Variants in CARMIL2 observed in about 807,000 individuals in gnomAD.
CARMIL2 encodes capping protein regulator and myosin 1 linker 2.
A neutral mutation model predicts 173.3 loss-of-function variants in CARMIL2; 96 were observed. The ratio of observed to expected loss-of-function variants is 0.55; its 90% CI spans 0.47 to 0.66. CARMIL2 has a LOEUF of 0.66. CARMIL2 is among the 30% of genes least tolerant of loss of function. The pLI is 0.00. For missense variants in CARMIL2, 1,771 were observed against 1,906.7 expected (o/e 0.93, Z 1.33); for synonymous variants, 830 against 817.1 (o/e 1.02, Z -0.27).
intron 9 of CARMIL2, 34 bp from the exon 10 acceptor site, chr16:67,647,265 T>TGTA (rs1445341874): frequency 6.2e-7 from 1 of 1,610,454 alleles, no homozygotes; most frequent in Non-Finnish European, 8.5e-7. Context: ...AGGGCCAGGG[T>TGTA]GCAGCCCGTG....
Position 67,646,287 on chromosome 16 carries a change from G to A in CARMIL2, c.351G>A (p.Lys117=), listed in dbSNP as rs372500658. The change falls in exon 5 of 38, where the codon AAG becomes AAA. Residue 117 remains lysine (K), a synonymous_variant. Coordinates refer to ENST00000334583, the MANE Select transcript of CARMIL2 (RefSeq NM_001013838.3). This position sits in a 1 kb window ranked among gnomAD's most constrained non-coding sequence, Gnocchi z 4.6. ...AGCACGTGGCTGCAGCCATCAAGAA[G>A]GTCTTCCCTCGCTCGACCCTTGGGT... ...LAQHVAAAIK[K]VFPRSTLGKL... is the part of the protein sequence containing the mutation. 3.2e-4 allele frequency: 524 copies of A among 1,613,600 alleles called. No individual in the cohort carries two copies. The highest frequency in any genetic ancestry group is 3.9e-4 in the Non-Finnish European group (457 of 1,179,824).
chr16:67,650,565 CTCT>C (rs763719647), intron 22 of CARMIL2: 46 of 209,988 alleles, frequency 2.2e-4, no homozygotes, highest in Non-Finnish European at 3.8e-4. Flanking sequence ...TCCCAAATAC[CTCT>C]TCTTTCCTAA....
rs749402635 is a variant in CARMIL2 at position 67,652,329 on chromosome 16, A to C, written c.2807A>C (p.Glu936Ala). 6.3e-7 allele frequency: 1 copy of C among 1,581,230 alleles called. No homozygotes were observed. Among genetic ancestry groups the C allele is most frequent in the East Asian group, 2.2e-5 (1 of 44,878 alleles). ...GLFFPEEKEEEKEKDDSPPQK... is the reference protein window; with the variant it reads ...GLFFPEEKEEAKEKDDSPPQK... Reference sequence around the variant, plus strand: ...TTCTTCCCCGAGGAGAAGGAAGAGGAGAAGGAGAAGGTAAGTGGTTTTAGA... The same window carrying C: ...TTCTTCCCCGAGGAGAAGGAAGAGGCGAAGGAGAAGGTAAGTGGTTTTAGA... Residue 936 changes from glutamate (E) to alanine (A), a missense_variant, in exon 27 of 38, where the codon GAG becomes GCG. Glu to Ala is a moderately radical substitution (Grantham distance 107). Coordinates refer to ENST00000334583, the MANE Select transcript of CARMIL2 (RefSeq NM_001013838.3). The surrounding 1 kb of genome is among the most constrained non-coding windows in gnomAD (Gnocchi z 4.7).
chr16:67,656,845 G>C lies in CARMIL2; in HGVS notation c.4081G>C (p.Val1361Leu). 6.4e-7 allele frequency: 1 copy of C among 1,550,736 alleles called. No individual in the cohort carries two copies. The highest frequency in any genetic ancestry group is 2.4e-5 in the East Asian group (1 of 40,916). The change falls in exon 36 of 38, where the codon GTG becomes CTG. Residue 1361 changes from valine to leucine, a missense_variant. Physicochemically the swap from Val to Leu is conservative, Grantham distance 32. Around this residue, in one of 3 missense-constraint regions of CARMIL2, gnomAD observed 817 missense variants for 903.5 expected, o/e 0.90. Coordinates refer to ENST00000334583, the MANE Select transcript of CARMIL2 (RefSeq NM_001013838.3). ...GCCTCTCTCGGCAGGGCGGCGAGCA[G>C]TGTCTGTGCATGAGGACCAGCTCCA... ...PRPLSAGRRA[V>L]SVHEDQLQAP...
chr16:67,645,292 C>G lies in CARMIL2; in HGVS notation c.40+6C>G, dbSNP rs1485743098. On this transcript the variant is annotated splice_donor_region_variant and intron_variant, in intron 1 of 37. Coordinates refer to ENST00000334583, the MANE Select transcript of CARMIL2 (RefSeq NM_001013838.3). The stretch of plus-strand genomic sequence containing the variant: ...CATCTCCTGTGAGCTCCGAGGTAAG[C>G]GCTGGCCCTTCCTGCCTTCTTGGCC... The G allele has an allele frequency of 1.2e-6, 2 of 1,603,414 alleles. No homozygotes were observed. The highest frequency in any genetic ancestry group is 1.7e-6 in the Non-Finnish European group (2 of 1,175,660).
At position 67,648,384 on chromosome 16, in the gene CARMIL2, C is replaced by T; in HGVS notation, c.1335-14C>T. 6.5e-7 allele frequency: 1 copy of T among 1,535,692 alleles called. No individual in the cohort carries two copies. The highest frequency in any genetic ancestry group is 8.7e-7 in the Non-Finnish European group (1 of 1,147,336). Reference sequence around the variant, plus strand: ...CTCCTTGCGGCCCCAGGCCCACCTTCCCACTTCCCCCAGGAAGTCCCGCGC... The same window carrying T: ...CTCCTTGCGGCCCCAGGCCCACCTTTCCACTTCCCCCAGGAAGTCCCGCGC... On this transcript the variant is annotated splice_polypyrimidine_tract_variant and intron_variant, in intron 14 of 37. Transcript: ENST00000334583. The surrounding 1 kb of genome is among the most constrained non-coding windows in gnomAD (Gnocchi z 6.1).
chr16:67,653,918 C>G lies in CARMIL2; in HGVS notation c.3121-231C>G, dbSNP rs2052778274. 1.3e-5 allele frequency among the ~76,000 whole-genome samples: 2 copies of G among 152,036 alleles called. No homozygotes were observed. Among genetic ancestry groups the G allele is most frequent in the South Asian group, 4.1e-4 (2 of 4,824 alleles). ...CGGGCGTGTAGGATACTCTGTGGGA[C>G]AAGGACGGGTGTGGACTGGGTGTGC... On this transcript the variant is annotated intron_variant, in intron 29 of 37. Transcript: ENST00000334583. This position sits in a 1 kb window ranked among gnomAD's most constrained non-coding sequence, Gnocchi z 7.4.
chr16:67,653,526 G>C lies in CARMIL2; in HGVS notation c.3120+272G>C, dbSNP rs1362611173. 6.6e-6 allele frequency among the ~76,000 whole-genome samples: 1 copy of C among 152,176 alleles called. No homozygotes were observed. Among genetic ancestry groups the C allele is most frequent in the Non-Finnish European group, 1.5e-5 (1 of 68,006 alleles). Reference sequence around the variant, plus strand: ...GCCCGCGGCCTCCGTGGCTGCGCGAGAGAGGGTGTCCGTCCTCCCTCCCTC... The same window carrying C: ...GCCCGCGGCCTCCGTGGCTGCGCGACAGAGGGTGTCCGTCCTCCCTCCCTC... On this transcript the variant is annotated intron_variant, in intron 29 of 37. Transcript: ENST00000334583. This position sits in a 1 kb window ranked among gnomAD's most constrained non-coding sequence, Gnocchi z 7.4.
intron 22 of CARMIL2, chr16:67,650,910 T>C: frequency 2.5e-6 from 1 of 399,478 alleles, no homozygotes; most frequent in Admixed American, 3.8e-5. Flanking sequence ...TCTCAGTCTA[T>C]CCTCTGTGTG....
chr16:67,649,658 G>T lies in CARMIL2; in HGVS notation c.1919+39G>T, dbSNP rs757201932. 1 of 1,564,578 alleles carries T rather than the reference G, an allele frequency of 6.4e-7. No homozygotes were observed. Among genetic ancestry groups the T allele is most frequent in the South Asian group, 1.2e-5 (1 of 86,422 alleles). On this transcript the variant is annotated intron_variant, in intron 20 of 37. Coordinates refer to ENST00000334583, the MANE Select transcript of CARMIL2 (RefSeq NM_001013838.3). The surrounding 1 kb of genome is among the most constrained non-coding windows in gnomAD (Gnocchi z 6.7). ...GAGGGGTGGGACCAGCGGGCAGGGGGCGCGGTGGAGAGGAGGGCACCGGGC... is the reference window on the plus strand; with the variant it reads ...GAGGGGTGGGACCAGCGGGCAGGGGTCGCGGTGGAGAGGAGGGCACCGGGC...
chr16:67,646,133 C>T lies in CARMIL2; in HGVS notation c.249+53C>T. On this transcript the variant is annotated intron_variant, in intron 4 of 37. Coordinates refer to ENST00000334583, the MANE Select transcript of CARMIL2 (RefSeq NM_001013838.3). The surrounding 1 kb of genome is among the most constrained non-coding windows in gnomAD (Gnocchi z 4.6). ...CTGCAGCCTGGTCTTCATGCTACCA[C>T]CATCACCTGCGCCCATGTGTGGAGC... The T allele has an allele frequency of 3.7e-6, 6 of 1,613,798 alleles. No homozygotes were observed. In the South Asian group the frequency reaches 6.6e-5, roughly 18 times the overall value.
At chr16:67,647,222 G>A (rs1388005573) in intron 9 of CARMIL2, 31 bp downstream of exon 9, 1 of 1,613,214 alleles carries the variant, frequency 6.2e-7, no homozygotes, top group Non-Finnish European at 8.5e-7. Flanking sequence ...GGCAGGGAGG[G>A]GCCAAGGGTG....
chr16:67,648,320 G>A lies in CARMIL2; in HGVS notation c.1334+6G>A. On this transcript the variant is annotated splice_donor_region_variant and intron_variant, in intron 14 of 37. Coordinates refer to ENST00000334583, the MANE Select transcript of CARMIL2 (RefSeq NM_001013838.3). The surrounding 1 kb of genome is among the most constrained non-coding windows in gnomAD (Gnocchi z 6.1). Reference sequence around the variant, plus strand: ...AGGAACGTCTTCTCCCGCACGTAAGGGGGACCTGTCGGGGCCGGGGGAGGC... The same window carrying A: ...AGGAACGTCTTCTCCCGCACGTAAGAGGGACCTGTCGGGGCCGGGGGAGGC... 1.3e-6 allele frequency: 2 copies of A among 1,585,134 alleles called. No individual in the cohort carries two copies. Among genetic ancestry groups the A allele is most frequent in the East Asian group, 2.3e-5 (1 of 44,324 alleles).
In CARMIL2 at chr16:67,651,735, G is replaced by A. The variant is rs1355046558; in HGVS notation, c.2478G>A (p.Met826Ile). Residue 826 changes from methionine (M) to isoleucine (I), a missense_variant, in exon 25 of 38, where the codon ATG (methionine) becomes ATA (isoleucine). Around this residue, in one of 3 missense-constraint regions of CARMIL2, gnomAD observed 817 missense variants for 903.5 expected, o/e 0.90. Transcript: ENST00000334583. This position sits in a 1 kb window ranked among gnomAD's most constrained non-coding sequence, Gnocchi z 4.2. ...LDTARSLCPQ[M>I]LQGSSWREQL... is the part of the protein sequence containing the mutation. Reference sequence around the variant, plus strand: ...CAGCAAGGAGCCTCTGCCCACAGATGCTGCAGGGATCCAGCTGGAGGGAGC... The same window carrying A: ...CAGCAAGGAGCCTCTGCCCACAGATACTGCAGGGATCCAGCTGGAGGGAGC... The A allele has an allele frequency of 1.2e-6, 2 of 1,606,984 alleles. No individual in the cohort carries two copies. The highest frequency in any genetic ancestry group is 1.3e-5 in the African/African-American group (1 of 74,936).
In CARMIL2 at chr16:67,651,560, G is replaced by T; in HGVS notation, c.2427+46G>T. 1 of 1,564,052 alleles carries T rather than the reference G, an allele frequency of 6.4e-7. No individual in the cohort carries two copies. Among genetic ancestry groups the T allele is most frequent in the South Asian group, 1.2e-5 (1 of 85,072 alleles). Reference sequence around the variant, plus strand: ...CAACCCCACCTCCGTTTGCAGGTTTGACTCCCATCCTTTAGTTTTAACTGT... The same window carrying T: ...CAACCCCACCTCCGTTTGCAGGTTTTACTCCCATCCTTTAGTTTTAACTGT... On this transcript the variant is annotated intron_variant, in intron 24 of 37. Transcript: ENST00000334583. This position sits in a 1 kb window ranked among gnomAD's most constrained non-coding sequence, Gnocchi z 4.2.
Position 67,646,718 on chromosome 16 carries a change from C to T in CARMIL2, c.471C>T (p.Gly157=), listed in dbSNP as rs1422993140. 6.2e-7 allele frequency: 1 copy of T among 1,613,982 alleles called. No individual in the cohort carries two copies. Among genetic ancestry groups the T allele is most frequent in the Non-Finnish European group, 8.5e-7 (1 of 1,179,872 alleles). ...GCACCCCTATCCCCTCCCCAGGTGGCTTCTTGGAGACATACGAGGCTCTGT... is the reference window on the plus strand; with the variant it reads ...GCACCCCTATCCCCTCCCCAGGTGGTTTCTTGGAGACATACGAGGCTCTGT... ...ESTDPCSPCG[G]FLETYEALCD... The change falls in exon 7 of 38, where the codon GGC becomes GGT. Residue 157 remains glycine, a synonymous_variant. Transcript: ENST00000334583. This position sits in a 1 kb window ranked among gnomAD's most constrained non-coding sequence, Gnocchi z 4.6.
At position 67,649,478 on chromosome 16, in the gene CARMIL2, G is replaced by A. The variant is rs1288074311; in HGVS notation, c.1778G>A (p.Arg593Gln). The A allele has an allele frequency of 3.1e-6, 5 of 1,610,970 alleles. No individual in the cohort carries two copies. The highest frequency in any genetic ancestry group is 4.2e-6 in the Non-Finnish European group (5 of 1,179,884). The change falls in exon 20 of 38, where the codon CGG becomes CAG. Residue 593 changes from arginine to glutamine, a missense_variant. By Grantham distance (43) the Arg-to-Gln change is conservative (BLOSUM62 1). Transcript: ENST00000334583. The surrounding 1 kb of genome is among the most constrained non-coding windows in gnomAD (Gnocchi z 6.7). ...PLQSLSVAES[R>Q]LKLGASVLLR... is the part of the protein sequence containing the mutation. ...CAGTCTCTGTCGGTGGCTGAGTCTCGGCTGAAGCTGGGTGCCAGCGTCCTA... is the reference window on the plus strand; with the variant it reads ...CAGTCTCTGTCGGTGGCTGAGTCTCAGCTGAAGCTGGGTGCCAGCGTCCTA...
chr16:67,646,102 C>G lies in CARMIL2; in HGVS notation c.249+22C>G, dbSNP rs367797455. The G allele has an allele frequency of 3.9e-5, 63 of 1,613,682 alleles. No homozygotes were observed. Among genetic ancestry groups the G allele is most frequent in the Non-Finnish European group, 5.1e-5 (60 of 1,179,882 alleles). ...TCAGGTGAGACACCTAGTACCCTAC[C>G]TGGGCCTGCAGCCTGGTCTTCATGC... On this transcript the variant is annotated intron_variant, in intron 4 of 37. Coordinates refer to ENST00000334583, the MANE Select transcript of CARMIL2 (RefSeq NM_001013838.3). The surrounding 1 kb of genome is among the most constrained non-coding windows in gnomAD (Gnocchi z 4.6).
chr16:67,647,570 T>G lies in CARMIL2; in HGVS notation c.839T>G (p.Leu280Arg). The G allele has an allele frequency of 6.2e-7, 1 of 1,611,058 alleles. No individual in the cohort carries two copies. The highest frequency in any genetic ancestry group is 8.5e-7 in the Non-Finnish European group (1 of 1,178,910). The change falls in exon 11 of 38, where the codon CTC becomes CGC. Residue 280 changes from leucine to arginine, a missense_variant. Coordinates refer to ENST00000334583, the MANE Select transcript of CARMIL2 (RefSeq NM_001013838.3). ...CACTCAAGCTCTGGGCTGCGGGAGCTCAGCCTCGCGGGGAACCTGCTGGAT... is the reference window on the plus strand; with the variant it reads ...CACTCAAGCTCTGGGCTGCGGGAGCGCAGCCTCGCGGGGAACCTGCTGGAT... ...AGHSSSGLRE[L>R]SLAGNLLDDR... is the part of the protein sequence containing the mutation.
Sources: gnomAD v4.1 joint callset for allele counts (sites outside exome capture counted in the v4.1 genomes callset) on GRCh38, gnomAD v4.1.1 for gene constraint, gnomAD v4.1.1 regional missense constraint, Gnocchi (gnomAD v3.1) non-coding constraint, MANE v1.5 for transcripts, NCBI Gene and HGNC (gene_info 2026-07-23, HGNC 2026-07-21) for gene names.